The following SULF1 variants were observed in gnomAD, a reference collection of about 807,000 sequenced individuals.
The protein encoded by SULF1 is extracellular sulfatase Sulf-1.
A neutral mutation model predicts 110.5 loss-of-function variants in SULF1; 46 were observed. The observed-to-expected ratio is 0.42, with a 90% CI of 0.33 to 0.53. The LOEUF (loss-of-function observed/expected upper bound fraction) is 0.53. Among genes scored for constraint, SULF1 ranks in the 20% least tolerant of loss-of-function variants. The pLI is 0.12. For missense variants in SULF1, 941 were observed against 1,094.2 expected (o/e 0.86, Z 1.98); for synonymous variants, 371 against 387.1 (o/e 0.96, Z 0.49).
chr8:69,584,270 AG>A (rs1806288434), intron 6 of SULF1, among the ~76,000 whole-genome samples: 1 of 152,188 alleles, frequency 6.6e-6, no homozygotes, highest in Admixed American at 6.5e-5. Context: ...GGATGGCAGG[AG>A]GGATTTGAGC....
chr8:69,502,928 C>G (rs1431890442), intron 3 of SULF1, among the ~76,000 whole-genome samples: 1 of 151,950 alleles, frequency 6.6e-6, no homozygotes, highest in Non-Finnish European at 1.5e-5. Flanking sequence ...CTCAAGTGAT[C>G]CACCTACCTC....
intron 3 of SULF1, among the ~76,000 whole-genome samples, chr8:69,512,254 C>A (rs561378175): frequency 9.2e-5 from 14 of 152,228 alleles, no homozygotes; most frequent in Non-Finnish European, 1.9e-4. Flanking sequence ...AGTCCCTGCT[C>A]CACCAAAGGG....
Position 69,621,238 on chromosome 8 carries a change from C to T in SULF1, c.1581C>T (p.Asn527=), listed in dbSNP as rs1809579230. ...QRKSQRQFLR[N]QGTPKYKPRF... Reference sequence around the variant, plus strand: ...AGAGTCAACGGCAATTCTTGAGAAACCAGGGGACTCCAAGTAAGCCACGCT... The same window carrying T: ...AGAGTCAACGGCAATTCTTGAGAAATCAGGGGACTCCAAGTAAGCCACGCT... The change falls in exon 14 of 23, where the codon AAC becomes AAT. Residue 527 remains asparagine (N), a synonymous_variant. Coordinates refer to ENST00000402687, the MANE Select transcript of SULF1 (RefSeq NM_001128205.2). The T allele has an allele frequency of 1.9e-6, 3 of 1,612,362 alleles. No homozygotes were observed. Among genetic ancestry groups the T allele is most frequent in the East Asian group, 2.2e-5 (1 of 44,866 alleles).
chr8:69,487,780 G>T (rs1248492265), intron 1 of SULF1, among the ~76,000 whole-genome samples: 1 of 152,196 alleles, frequency 6.6e-6, no homozygotes, highest in Non-Finnish European at 1.5e-5. Context: ...AAGGCACAAT[G>T]CAAATGAGCT....
chr8:69,583,203 A>G (rs753411938), intron 6 of SULF1, among the ~76,000 whole-genome samples: 42 of 152,304 alleles, frequency 2.8e-4, no homozygotes, highest in Admixed American at 2.0e-3. Flanking sequence ...AATAAGAAAT[A>G]ACAATTTTAG....
intron 3 of SULF1, among the ~76,000 whole-genome samples, chr8:69,515,338 G>T (rs756526223): frequency 2.0e-5 from 3 of 152,216 alleles, no homozygotes; most frequent in African/African-American, 2.4e-5. Context: ...ATCCTCTGAA[G>T]CAATGGTCCA....
At chr8:69,544,402 G>A (rs960005954) in intron 3 of SULF1, among the ~76,000 whole-genome samples, 17 of 151,936 alleles carry the variant, frequency 1.1e-4, no homozygotes, top group Non-Finnish European at 2.2e-4. Flanking sequence ...CTGAGTAGCT[G>A]GGATTACAGG....
chr8:69,533,978 A>G (rs1813275727), intron 3 of SULF1, among the ~76,000 whole-genome samples: 1 of 152,170 alleles, frequency 6.6e-6, no homozygotes, highest in African/African-American at 2.4e-5. Flanking sequence ...AAAGTCAACT[A>G]TTTTTCCTGG....
chr8:69,543,246 C>T (rs1465641429), intron 3 of SULF1, among the ~76,000 whole-genome samples: 1 of 152,048 alleles, frequency 6.6e-6, no homozygotes, highest in Non-Finnish European at 1.5e-5. Context: ...TTCCAGGGTA[C>T]ACGTGCAAGA....
chr8:69,614,751 C>A (rs538924659), intron 13 of SULF1, among the ~76,000 whole-genome samples: 1 of 152,342 alleles, frequency 6.6e-6, no homozygotes, highest in South Asian at 2.1e-4. Flanking sequence ...ATGGCCCTTG[C>A]CCTTAATTCC....
chr8:69,604,288 G>A (rs923866848), intron 12 of SULF1, among the ~76,000 whole-genome samples: 3 of 152,044 alleles, frequency 2.0e-5, no homozygotes, highest in East Asian at 1.9e-4. Flanking sequence ...TCCTCCCCAC[G>A]TTCTTCTCTA....
intron 22 of SULF1, among the ~76,000 whole-genome samples, chr8:69,647,713 A>C (rs1812028612): frequency 6.6e-6 from 1 of 151,946 alleles, no homozygotes; most frequent in African/African-American, 2.4e-5. Flanking sequence ...ACCAACATGG[A>C]GAAACCCTGT....
upstream of SULF1, among the ~76,000 whole-genome samples, chr8:69,489,571 C>CTTTTTTTTTTTTTTTTTTTT (rs61391745): frequency 1.1e-5 from 1 of 91,958 alleles, no homozygotes; most frequent in African/African-American, 4.6e-5. Context: ...CTTTCTTTCT[C>CTTTTTTTTTTTTTTTTTTTT]TTTTTTTTTT....
chr8:69,552,068 G>A (rs1202301010), intron 3 of SULF1, among the ~76,000 whole-genome samples: 1 of 152,150 alleles, frequency 6.6e-6, no homozygotes, highest in Non-Finnish European at 1.5e-5. Flanking sequence ...ACTCCAGCCT[G>A]GGCAACAAGA....
intron 7 of SULF1, among the ~76,000 whole-genome samples, chr8:69,587,566 G>A (rs945195019): frequency 2.0e-5 from 3 of 152,192 alleles, no homozygotes; most frequent in Non-Finnish European, 4.4e-5. Flanking sequence ...AGGCAAATTT[G>A]AGCAATGTCC....
At chr8:69,529,634 T>G (rs2150637433) in intron 3 of SULF1, among the ~76,000 whole-genome samples, 1 of 152,272 alleles carries the variant, frequency 6.6e-6, no homozygotes, top group South Asian at 2.1e-4. Flanking sequence ...CCCTACATTG[T>G]TCTAAGGGAC....
At chr8:69,571,237 G>T (rs1225623218) in intron 5 of SULF1, among the ~76,000 whole-genome samples, 3 of 152,172 alleles carry the variant, frequency 2.0e-5, no homozygotes, top group African/African-American at 7.2e-5. Context: ...ATGTGATGGG[G>T]TTGAGGTGAG....
chr8:69,483,732 T>C (rs1809595661), intron 1 of SULF1, among the ~76,000 whole-genome samples: 1 of 152,210 alleles, frequency 6.6e-6, no homozygotes, highest in Admixed American at 6.5e-5. Context: ...CAGGCTGCAA[T>C]GAGCTATGAT....
chr8:69,603,424 C>A (rs1456416990), intron 11 of SULF1, 104 bp downstream of exon 11: 17 of 1,551,968 alleles, frequency 1.1e-5, no homozygotes, highest in African/African-American at 2.7e-5. Flanking sequence ...ATATGCCTTG[C>A]CCACAAGGAT....
Sources: gnomAD v4.1 joint callset for allele counts (sites outside exome capture counted in the v4.1 genomes callset) on GRCh38, gnomAD v4.1.1 for gene constraint, MANE v1.5 for transcripts, NCBI Gene and HGNC (gene_info 2026-07-23, HGNC 2026-07-21) for gene names.